Variants in CEBPZ observed in about 807,000 individuals in gnomAD.
CEBPZ encodes CCAAT/enhancer-binding protein zeta.
CEBPZ carries 78 observed loss-of-function variants against 104.5 expected under a neutral mutation model. The ratio of observed to expected loss-of-function variants is 0.75; its 90% CI spans 0.62 to 0.90. CEBPZ has a LOEUF of 0.90. Among genes scored for constraint, CEBPZ ranks in the 40% least tolerant of loss-of-function variants. The probability of loss-of-function intolerance (pLI) is 0.00; values close to 1 mark genes in which losing one functional copy is unlikely to be tolerated. For missense variants in CEBPZ, 1,439 were observed against 1,233.5 expected (o/e 1.17, Z -2.50); for synonymous variants, 470 against 427.0 (o/e 1.10, Z -1.24).
chr2:37,208,310 G>T (rs60818940), intron 13 of CEBPZ, among the ~76,000 whole-genome samples: 1 of 151,776 alleles, frequency 6.6e-6, no homozygotes, highest in Non-Finnish European at 1.5e-5. Flanking sequence ...AGCCAATATC[G>T]CCCTAATTCC....
At chr2:37,229,232 C>T (rs549350902) in intron 1 of CEBPZ, among the ~76,000 whole-genome samples, 196 bp from the exon 2 acceptor site, 21 of 151,732 alleles carry the variant, frequency 1.4e-4, no homozygotes, top group East Asian at 1.3e-3. Flanking sequence ...CACACACACA[C>T]ACGCACACAC....
At chr2:37,230,341 A>G (rs1410779351) in intron 1 of CEBPZ, among the ~76,000 whole-genome samples, 1 of 152,238 alleles carries the variant, frequency 6.6e-6, no homozygotes. Context: ...TATCCCTGAA[A>G]GATATAAAAT....
In CEBPZ at chr2:37,227,980, G is replaced by C. The variant is rs771223012; in HGVS notation, c.1213C>G (p.Leu405Val). 1.2e-6 allele frequency: 2 copies of C among 1,614,200 alleles called. No homozygotes were observed. Among genetic ancestry groups the C allele is most frequent in the Non-Finnish European group, 8.5e-7 (1 of 1,180,038 alleles). The stretch of plus-strand genomic sequence containing the variant: ...TGTTTACAAAGTAATGTCTCTAACA[G>C]ATGGGATGCTTTTGTGGCAATTCTG... ...QNRIATKASHLLETLLCKHPN... is the reference protein window; with the variant it reads ...QNRIATKASHVLETLLCKHPN... Residue 405 changes from leucine to valine, a missense_variant, in exon 2 of 16, where the codon CTG (leucine) becomes GTG (valine). Physicochemically the swap from Leu to Val is conservative, Grantham distance 32 (BLOSUM62 1). Coordinates refer to ENST00000234170, the MANE Select transcript of CEBPZ (RefSeq NM_005760.3).
chr2:37,228,379 G>A lies in CEBPZ; in HGVS notation c.814C>T (p.Leu272Phe). Residue 272 changes from leucine to phenylalanine, a missense_variant, in exon 2 of 16, where the codon CTT (leucine) becomes TTT (phenylalanine). By Grantham distance (22) the Leu-to-Phe change is conservative (BLOSUM62 0). Transcript: ENST00000234170. ...TGTTTGCTGCCCTTCTTTTTAACAAGGTTCACAAGAGTTTCTACAAACTGA... is the reference window on the plus strand; with the variant it reads ...TGTTTGCTGCCCTTCTTTTTAACAAAGTTCACAAGAGTTTCTACAAACTGA... ...TLQFVETLVN[L>F]VKKKGSKQQC... 6.2e-7 allele frequency: 1 copy of A among 1,614,126 alleles called. No individual in the cohort carries two copies. The highest frequency in any genetic ancestry group is 8.5e-7 in the Non-Finnish European group (1 of 1,180,014).
At chr2:37,203,130 G>A (rs2148332391) in intron 13 of CEBPZ, 122 bp from the exon 14 acceptor site, 1 of 584,838 alleles carries the variant, frequency 1.7e-6, no homozygotes, top group Non-Finnish European at 2.9e-6. Context: ...ATAATCTTCT[G>A]GCACCATTGG....
rs576683669 is a variant in CEBPZ, at chr2:37,221,453, G to A, written c.2065+927C>T. On this transcript the variant is annotated intron_variant, in intron 4 of 15. Coordinates refer to ENST00000234170, the MANE Select transcript of CEBPZ (RefSeq NM_005760.3). Reference sequence around the variant, plus strand: ...AATCTGAAGATGAACTAGGTCTAAAGTCTTTTGGAGCTTTAGAGTGCTTCA... The same window carrying A: ...AATCTGAAGATGAACTAGGTCTAAAATCTTTTGGAGCTTTAGAGTGCTTCA... 2.6e-5 allele frequency among the ~76,000 whole-genome samples: 4 copies of A among 152,318 alleles called. No individual in the cohort carries two copies. In the East Asian group the frequency reaches 7.7e-4, roughly 29 times the overall value.
At chr2:37,220,517 C>G (rs1367489477) in intron 4 of CEBPZ, 44 bp from the exon 5 acceptor site, 1 of 1,061,556 alleles carries the variant, frequency 9.4e-7, no homozygotes, top group East Asian at 2.6e-5. Context: ...TGCTTTCTTC[C>G]TAGCCCAAGA....
In CEBPZ at chr2:37,223,253, G is replaced by A. The variant is rs772979003; in HGVS notation, c.1798C>T (p.Pro600Ser). 14 of 1,614,096 alleles carry A rather than the reference G, an allele frequency of 8.7e-6. No homozygotes were observed. In the South Asian group the frequency reaches 1.3e-4, roughly 15 times the overall value. The change falls in exon 3 of 16, where the codon CCA (proline) becomes TCA (serine). Residue 600 changes from proline to serine, a missense_variant. Transcript: ENST00000234170. Reference sequence around the variant, plus strand: ...AGATATAAAGCTCCACATATAAATGGTGGCATCTGTTGACAAGTAACTTGA... The same window carrying A: ...AGATATAAAGCTCCACATATAAATGATGGCATCTGTTGACAAGTAACTTGA... Reference protein sequence around the residue: ...LLQVTCQQMPPFICGALYLVS... With the variant: ...LLQVTCQQMPSFICGALYLVS...
Position 37,222,554 on chromosome 2 carries a change from C to T in CEBPZ, c.1891G>A (p.Asp631Asn), listed in dbSNP as rs773134342. 1 of 1,581,150 alleles carries T rather than the reference C, an allele frequency of 6.3e-7. No individual in the cohort carries two copies. The highest frequency in any genetic ancestry group is 1.9e-5 in the Admixed American group (1 of 51,434). Residue 631 changes from aspartate (D) to asparagine (N), a missense_variant, in exon 4 of 16, where the codon GAT becomes AAT. Coordinates refer to ENST00000234170, the MANE Select transcript of CEBPZ (RefSeq NM_005760.3). Reference sequence around the variant, plus strand: ...TTTGCATCAATAAAATTTTCTTCATCATCAGACTCCTAACAAAAGTATAGT... The same window carrying T: ...TTTGCATCAATAAAATTTTCTTCATTATCAGACTCCTAACAAAAGTATAGT... ...SQLDDHPESD[D>N]EENFIDANDD...
At chr2:37,218,045 A>G (rs986442312) in intron 5 of CEBPZ, among the ~76,000 whole-genome samples, 2 of 151,840 alleles carry the variant, frequency 1.3e-5, no homozygotes, top group African/African-American at 4.8e-5. Context: ...AGGCGGGCGG[A>G]TCACGAGGTC....
chr2:37,224,576 A>G (rs1354570926), intron 2 of CEBPZ, among the ~76,000 whole-genome samples: 1 of 60,006 alleles, frequency 1.7e-5, no homozygotes. Context: ...TTCCCTCTTT[A>G]CATTTAAATT....
intron 13 of CEBPZ, among the ~76,000 whole-genome samples, chr2:37,208,489 C>A (rs1398726310): frequency 6.6e-6 from 1 of 152,114 alleles, no homozygotes; most frequent in Non-Finnish European, 1.5e-5. Flanking sequence ...GCTGGTTTAA[C>A]ATACGCAAGT....
Position 37,227,897 on chromosome 2 carries a change from AT to A in CEBPZ, c.1295del (p.Asn432IlefsTer14). 1.9e-6 allele frequency: 3 copies of A among 1,614,196 alleles called. No individual in the cohort carries two copies. The highest frequency in any genetic ancestry group is 2.5e-6 in the Non-Finnish European group (3 of 1,180,042). Reference protein sequence around the residue: ...GEVERLLFRSNISSKAQYYAI... With the variant: ...GEVERLLFRSXISSKAQYYAI... ...CATAATATTGAGCTTTGGAGCTGAT[AT>A]TTGAGCGGAAGAGTAGCCTTTCTAC... On this transcript the variant is annotated frameshift_variant, in exon 2 of 16. Transcript: ENST00000234170. LOFTEE classifies it high-confidence loss of function.
chr2:37,213,807 T>TTAATTCCACTAA, intron 10 of CEBPZ, 57 bp downstream of exon 10: 1 of 1,144,904 alleles, frequency 8.7e-7, no homozygotes, highest in Non-Finnish European at 1.3e-6. Context: ...TAATGTTCCA[T>TTAATTCCACTAA]GGTCTATTAA....
Position 37,223,276 on chromosome 2 carries a change from T to C in CEBPZ, c.1775A>G (p.Gln592Arg), listed in dbSNP as rs372503061. 9.3e-6 allele frequency: 15 copies of C among 1,614,024 alleles called. No individual in the cohort carries two copies. Among genetic ancestry groups the C allele is most frequent in the Non-Finnish European group, 1.2e-5 (14 of 1,180,008 alleles). ...RVKAFVKRLL[Q>R]VTCQQMPPFI... ...TGGTGGCATCTGTTGACAAGTAACT[T>C]GAAGTAACCTCTTCACAAAAGCCTT... The change falls in exon 3 of 16, where the codon CAA (glutamine) becomes CGA (arginine). Residue 592 changes from glutamine to arginine, a missense_variant. Coordinates refer to ENST00000234170, the MANE Select transcript of CEBPZ (RefSeq NM_005760.3).
chr2:37,231,315 C>G lies in CEBPZ; in HGVS notation c.156+97G>C, dbSNP rs180711397. ...GGCTGGGATCTCGGTCCTGGACGCC[C>G]GCGCTCTACGCAGCGCGGAAGCGGC... On this transcript the variant is annotated intron_variant, in intron 1 of 15. Coordinates refer to ENST00000234170, the MANE Select transcript of CEBPZ (RefSeq NM_005760.3). 453 of 1,564,662 alleles carry G rather than the reference C, an allele frequency of 2.9e-4. 2 individuals carry two copies. The African/African-American group carries it at 5.0e-3, about 17-fold the overall frequency.
Position 37,227,777 on chromosome 2 carries a change from A to C in CEBPZ, c.1416T>G (p.Cys472Trp), listed in dbSNP as rs150868619. Residue 472 changes from cysteine (C) to tryptophan (W), a missense_variant, in exon 2 of 16, where the codon TGT becomes TGG. Cys to Trp is a radical substitution (Grantham distance 215, BLOSUM62 -2). Transcript: ENST00000234170. ...TTGATTCAACATCTTTTTTTTTGAC[A>C]CAAGTCCGAAAAAAGCAAAAGTAAA... ...ITVYFCFFRT[C>W]VKKKDVESKM... The C allele has an allele frequency of 2.2e-5, 36 of 1,613,730 alleles. No homozygotes were observed. Among genetic ancestry groups the C allele is most frequent in the Non-Finnish European group, 2.9e-5 (34 of 1,179,964 alleles).
rs1434948035 is a variant in CEBPZ, at chr2:37,223,335, T to C, written c.1716A>G (p.Lys572=). 3 of 1,614,170 alleles carry C rather than the reference T, an allele frequency of 1.9e-6. No individual in the cohort carries two copies. The highest frequency in any genetic ancestry group is 1.1e-5 in the South Asian group (1 of 91,078). The part of the protein sequence containing the change: ...KQAMFLNLVY[K]SLKADIVLRR... ...GCAACACAATGTCAGCTTTCAGAGA[T>C]TTGTAGACAAGGTTAAGAAACATAG... Residue 572 remains lysine (K), a synonymous_variant, in exon 3 of 16, where the codon AAA becomes AAG. Coordinates refer to ENST00000234170, the MANE Select transcript of CEBPZ (RefSeq NM_005760.3).
intron 1 of CEBPZ, among the ~76,000 whole-genome samples, chr2:37,229,577 G>A (rs1445281086): frequency 6.6e-6 from 1 of 152,186 alleles, no homozygotes; most frequent in African/African-American, 2.4e-5. Context: ...AGGGGTGGCG[G>A]AAACGGCACT....
Sources: allele counts gnomAD v4.1 joint callset (sites outside exome capture counted in the v4.1 genomes callset), GRCh38; gene constraint gnomAD v4.1.1; transcripts MANE v1.5; gene names NCBI Gene and HGNC (gene_info 2026-07-23, HGNC 2026-07-21).